The following RLN2 variants were observed in gnomAD, a reference collection of about 807,000 sequenced individuals.
RLN2 encodes the protein relaxin 2, also known as prorelaxin H2.
In RLN2, 10 loss-of-function variants were observed where a neutral mutation model predicts 7.3. The observed-to-expected ratio is 1.36, with a 90% CI of 0.84 to 2.31. RLN2 has a LOEUF of 2.31. RLN2 is among the 30% of genes most tolerant of loss of function. The probability of loss-of-function intolerance (pLI) is 0.00; values close to 1 mark genes in which losing one functional copy is unlikely to be tolerated. For missense variants in RLN2, 298 were observed against 217.6 expected (o/e 1.37, Z -2.32); for synonymous variants, 103 against 82.3 (o/e 1.25, Z -1.36).
At chr9:5,336,225 T>C in the RLN2 span, among the ~76,000 whole-genome samples, 1 of 152,078 alleles carries the variant, frequency 6.6e-6, no homozygotes, top group African/African-American at 2.4e-5. Context: ...AATAGTATTT[T>C]ATATGAAAGA....
At chr9:5,318,830 G>A in the RLN2 span, among the ~76,000 whole-genome samples, 1 of 151,972 alleles carries the variant, frequency 6.6e-6, no homozygotes, top group East Asian at 1.9e-4. Context: ...ACCATTTGCT[G>A]ATTTAAAGTT....
chr9:5,320,872 A>G, the RLN2 span, among the ~76,000 whole-genome samples: 31 of 152,062 alleles, frequency 2.0e-4, no homozygotes, highest in African/African-American at 7.5e-4. Context: ...GAATTTTATC[A>G]TTATCATCTG....
chr9:5,338,022 AAG>A, the RLN2 span, among the ~76,000 whole-genome samples: 1,820 of 151,200 alleles, frequency 0.012, 60 homozygotes, highest in African/African-American at 0.042. Flanking sequence ...GAAAATGCAA[AAG>A]ATATATACAT....
chr9:5,321,108 A>C, the RLN2 span, among the ~76,000 whole-genome samples: 2 of 152,178 alleles, frequency 1.3e-5, no homozygotes, highest in South Asian at 4.1e-4. Context: ...TGAAAATCAC[A>C]GTTTTAACCA....
At chr9:5,336,407 C>A in the RLN2 span, among the ~76,000 whole-genome samples, 1 of 152,026 alleles carries the variant, frequency 6.6e-6, no homozygotes, top group African/African-American at 2.4e-5. Context: ...TGTTCTTACA[C>A]AGCATCCCAG....
intron 1 of RLN2, among the ~76,000 whole-genome samples, chr9:5,301,532 T>C (rs927264720): frequency 3.3e-5 from 5 of 152,214 alleles, no homozygotes; most frequent in Non-Finnish European, 7.3e-5. Flanking sequence ...CACGATGATG[T>C]TTAAATTACA....
the RLN2 span, among the ~76,000 whole-genome samples, chr9:5,317,240 A>G: frequency 3.3e-5 from 5 of 152,164 alleles, no homozygotes; most frequent in Admixed American, 3.3e-4. Flanking sequence ...ATGTAAATGG[A>G]TTAAATTCTC....
At chr9:5,333,192 C>T in the RLN2 span, among the ~76,000 whole-genome samples, 1 of 151,984 alleles carries the variant, frequency 6.6e-6, no homozygotes, top group Admixed American at 6.6e-5. Flanking sequence ...AGAAAATGCG[C>T]TCATGCACTT....
the RLN2 span, among the ~76,000 whole-genome samples, chr9:5,319,720 T>C: frequency 5.9e-5 from 9 of 152,010 alleles, no homozygotes; most frequent in African/African-American, 2.2e-4. Flanking sequence ...GTATTTCAAT[T>C]CTAGACTTCA....
At chr9:5,305,914 T>C, upstream of RLN2, among the ~76,000 whole-genome samples, 1 of 151,942 alleles carries the variant, frequency 6.6e-6, no homozygotes, top group Admixed American at 6.6e-5. Flanking sequence ...TATGAGATGG[T>C]CAGATGCAAT....
the RLN2 span, among the ~76,000 whole-genome samples, chr9:5,315,659 G>C: frequency 1.3e-5 from 2 of 151,942 alleles, 1 homozygote; most frequent in African/African-American, 4.8e-5. Context: ...CAACTAAACT[G>C]TCAAAAGCCG....
chr9:5,313,979 G>C, the RLN2 span, among the ~76,000 whole-genome samples: 1 of 151,900 alleles, frequency 6.6e-6, no homozygotes, highest in Non-Finnish European at 1.5e-5. Context: ...TCCTTGCAGG[G>C]AAAAGGTAAG....
chr9:5,327,225 G>A, the RLN2 span, among the ~76,000 whole-genome samples: 2 of 152,176 alleles, frequency 1.3e-5, no homozygotes, highest in South Asian at 2.1e-4. Flanking sequence ...CTTAGCAACC[G>A]CAGACCAGGA....
At chr9:5,306,344 G>A (rs1816252403), upstream of RLN2, among the ~76,000 whole-genome samples, 1 of 151,820 alleles carries the variant, frequency 6.6e-6, no homozygotes, top group Non-Finnish European at 1.5e-5. Flanking sequence ...CTGACCTCAG[G>A]TGATGCACCC....
chr9:5,329,401 T>A, the RLN2 span, among the ~76,000 whole-genome samples: 2 of 139,878 alleles, frequency 1.4e-5, no homozygotes, highest in East Asian at 4.3e-4. Context: ...AATTTAAACA[T>A]AACAATATTA....
chr9:5,315,798 A>C, the RLN2 span, among the ~76,000 whole-genome samples: 4 of 152,128 alleles, frequency 2.6e-5, no homozygotes, highest in African/African-American at 9.7e-5. Flanking sequence ...TGATACATTC[A>C]AAGTGCTGAA....
At chr9:5,329,956 C>T in the RLN2 span, among the ~76,000 whole-genome samples, 3 of 152,006 alleles carry the variant, frequency 2.0e-5, no homozygotes, top group Non-Finnish European at 4.4e-5. Context: ...ACAGAATATA[C>T]ATTCTTCTCA....
the RLN2 span, among the ~76,000 whole-genome samples, chr9:5,329,523 A>G: frequency 6.6e-6 from 1 of 151,774 alleles, no homozygotes; most frequent in Admixed American, 6.6e-5. Context: ...TCTCATGTGC[A>G]AAGACACACA....
upstream of RLN2, among the ~76,000 whole-genome samples, chr9:5,309,186 T>A (rs1816303817): frequency 6.6e-6 from 1 of 152,114 alleles, no homozygotes; most frequent in Non-Finnish European, 1.5e-5. Flanking sequence ...TCTTTGTTCC[T>A]AGAGGGACAG....
Sources: allele counts gnomAD v4.1 joint callset (sites outside exome capture counted in the v4.1 genomes callset), GRCh38; gene constraint gnomAD v4.1.1; transcripts MANE v1.5; gene names NCBI Gene and HGNC (gene_info 2026-07-23, HGNC 2026-07-21).